Variants in NFIX observed in about 807,000 individuals in gnomAD.
NFIX encodes the protein nuclear factor 1 X-type.
A neutral mutation model predicts 53.3 loss-of-function variants in NFIX; 2 were observed. The observed-to-expected ratio is 0.04, with a 90% confidence interval of 0.02 to 0.12. NFIX has a LOEUF of 0.12. NFIX is among the 10% of genes least tolerant of loss of function. The pLI is 1.00. For missense variants in NFIX, 310 were observed against 674.5 expected, an observed-to-expected ratio of 0.46 and a Z score of 5.99; for synonymous variants, 244 against 289.0, an observed-to-expected ratio of 0.84 and a Z score of 1.58.
chr19:13,018,792 A>T (rs1219744664), intron 1 of NFIX, among the ~76,000 whole-genome samples: 1 of 152,228 alleles, frequency 6.6e-6, no homozygotes. Flanking sequence ...ACGAAGCAGC[A>T]GTAATCTTGG....
intron 2 of NFIX, among the ~76,000 whole-genome samples, chr19:13,061,515 G>GGA (rs2016089336): frequency 6.6e-6 from 1 of 152,212 alleles, no homozygotes; most frequent in African/African-American, 2.4e-5. Context: ...CGCAGCCCTC[G>GGA]GAGGGCAGCT....
At position 13,025,650 on chromosome 19, in the gene NFIX, T is replaced by C. The variant is rs1177515649; in HGVS notation, c.559+98T>C. The C allele has an allele frequency of 2.2e-6, 3 of 1,383,158 alleles. No homozygotes were observed. The Admixed American group carries it at 5.9e-5, about 27-fold the overall frequency. 85.7% of individuals were successfully genotyped at this position (1,383,158 alleles called of 1,614,324 possible). ...CTAATTTCCAAGCGATAACTCGCCA[T>C]GGGCCTAACTGGTGTATGCCCGTCC... is the stretch of plus-strand genomic sequence containing the variant. On this transcript the variant is annotated intron_variant, in intron 2 of 10. Coordinates refer to ENST00000592199, the MANE Select transcript of NFIX (RefSeq NM_001365902.3). The surrounding 1 kb of genome is among the most constrained non-coding windows in gnomAD (Gnocchi z 7.5).
intron 1 of NFIX, among the ~76,000 whole-genome samples, chr19:12,999,629 G>A (rs993628075): frequency 1.3e-5 from 2 of 152,066 alleles, no homozygotes; most frequent in African/African-American, 2.4e-5. Flanking sequence ...GGATACACCC[G>A]CTCTCAGACA....
rs1314842295 is a variant in NFIX, at chr19:13,095,920, G to C, written c.*1271G>C. ...TTAGGGGTGGGGCATTCATTGTTTGGGTCTTTTGCTGTTGGAATGGGAACT... is the reference window on the plus strand; with the variant it reads ...TTAGGGGTGGGGCATTCATTGTTTGCGTCTTTTGCTGTTGGAATGGGAACT... On this transcript the variant is annotated 3_prime_UTR_variant, in exon 11 of 11. Transcript: ENST00000592199. 2 of 151,424 alleles carry C rather than the reference G, an allele frequency of 1.3e-5. No individual in the cohort carries two copies. Among genetic ancestry groups the C allele is most frequent in the East Asian group, 3.9e-4 (2 of 5,134 alleles). 9.4% of individuals were successfully genotyped at this position (151,424 alleles called of 1,614,324 possible).
In NFIX at chr19:13,094,944, G is replaced by A. The variant is rs2018349800; in HGVS notation, c.*295G>A. On this transcript the variant is annotated 3_prime_UTR_variant, in exon 11 of 11. Transcript: ENST00000592199. This position sits in a 1 kb window ranked among gnomAD's most constrained non-coding sequence, Gnocchi z 4.3. ...CTGTCAAGTAGAGGACAGAAAGCAAGAAAGGATGCAGAACTGCCTTCCTCC... is the reference window on the plus strand; with the variant it reads ...CTGTCAAGTAGAGGACAGAAAGCAAAAAAGGATGCAGAACTGCCTTCCTCC... 2 of 405,582 alleles carry A rather than the reference G, an allele frequency of 4.9e-6. No individual in the cohort carries two copies. The highest frequency in any genetic ancestry group is 9.0e-6 in the Non-Finnish European group (2 of 222,656). The allele number at this position is 405,582 out of a possible 1,614,324, so 25.1% of individuals were successfully genotyped here.
intron 1 of NFIX, among the ~76,000 whole-genome samples, chr19:13,018,262 G>A (rs1201947002): frequency 6.8e-6 from 1 of 147,012 alleles, no homozygotes; most frequent in African/African-American, 2.5e-5. Flanking sequence ...TTTGGAGCCA[G>A]AACGAGGCTG....
chr19:12,999,177 ATTT>A (rs370783768), intron 1 of NFIX, among the ~76,000 whole-genome samples: 1 of 140,532 alleles, frequency 7.1e-6, no homozygotes, highest in African/African-American at 2.6e-5. Context: ...TTCTTTTTCT[ATTT>A]TTTTTTTTTT....
In NFIX at chr19:13,045,990, C is replaced by T. The variant is rs1427158723; in HGVS notation, c.559+20438C>T. Among the ~76,000 whole-genome samples, 1 of 152,136 alleles carries T rather than the reference C, an allele frequency of 6.6e-6. No individual in the cohort carries two copies. Among genetic ancestry groups the T allele is most frequent in the Non-Finnish European group, 1.5e-5 (1 of 68,026 alleles). On this transcript the variant is annotated intron_variant, in intron 2 of 10. Coordinates refer to ENST00000592199, the MANE Select transcript of NFIX (RefSeq NM_001365902.3). The surrounding 1 kb of genome is among the most constrained non-coding windows in gnomAD (Gnocchi z 4.4). ...GCTTCCATCTTGCAAGGACACAGGCCCCACCCTGGCTTCTCCCCAACACAC... is the reference window on the plus strand; with the variant it reads ...GCTTCCATCTTGCAAGGACACAGGCTCCACCCTGGCTTCTCCCCAACACAC...
chr19:13,019,808 C>A (rs1171975440), intron 1 of NFIX, among the ~76,000 whole-genome samples: 2 of 150,862 alleles, frequency 1.3e-5, no homozygotes, highest in Non-Finnish European at 2.9e-5. Context: ...AGCAAAATCC[C>A]TTTCCACAAA....
At position 13,001,832 on chromosome 19, in the gene NFIX, G is replaced by T. The variant is rs1057055518; in HGVS notation, c.27+5968G>T. 1.3e-5 allele frequency among the ~76,000 whole-genome samples: 2 copies of T among 152,220 alleles called. No homozygotes were observed. The highest frequency in any genetic ancestry group is 2.9e-5 in the Non-Finnish European group (2 of 68,036). ...GGCGGCCGGGCAAGCGGCTGGGAGC[G>T]GGCTGGCTGCTCAGTCCCTTCCCAT... On this transcript the variant is annotated intron_variant, in intron 1 of 10. Transcript: ENST00000592199. The surrounding 1 kb of genome is among the most constrained non-coding windows in gnomAD (Gnocchi z 6.5).
chr19:13,026,641 C>T (rs1010108800), intron 2 of NFIX, among the ~76,000 whole-genome samples: 5 of 152,154 alleles, frequency 3.3e-5, no homozygotes, highest in African/African-American at 9.7e-5. Context: ...GAAACCTAAA[C>T]GGGCGGCACT....
chr19:13,039,308 G>A (rs956777513), intron 2 of NFIX, among the ~76,000 whole-genome samples: 2 of 151,302 alleles, frequency 1.3e-5, no homozygotes, highest in African/African-American at 4.9e-5. Context: ...TCCCAGCCAC[G>A]TGGGACAGTA....
chr19:13,080,866 G>C (rs990122138), intron 7 of NFIX, among the ~76,000 whole-genome samples: 3 of 152,130 alleles, frequency 2.0e-5, no homozygotes, highest in African/African-American at 2.4e-5. Context: ...CGGGCGTGGT[G>C]GTGGGCGCCT....
intron 2 of NFIX, among the ~76,000 whole-genome samples, chr19:13,031,715 T>C (rs752434025): frequency 3.9e-5 from 6 of 151,906 alleles, no homozygotes; most frequent in African/African-American, 7.3e-5. Context: ...AGGGCCTTAT[T>C]TGGGGGATAG....
intron 1 of NFIX, among the ~76,000 whole-genome samples, chr19:13,019,336 A>T (rs2012835565): frequency 6.6e-6 from 1 of 152,224 alleles, no homozygotes; most frequent in Non-Finnish European, 1.5e-5. Context: ...CAAATAATCC[A>T]TACAGGCTCA....
rs2013543870 is a variant in NFIX at position 13,028,484 on chromosome 19, A to G, written c.559+2932A>G. Among the ~76,000 whole-genome samples the G allele has an allele frequency of 6.6e-6, 1 of 152,212 alleles. No individual in the cohort carries two copies. The highest frequency in any genetic ancestry group is 2.4e-5 in the African/African-American group (1 of 41,452). On this transcript the variant is annotated intron_variant, in intron 2 of 10. Coordinates refer to ENST00000592199, the MANE Select transcript of NFIX (RefSeq NM_001365902.3). This position sits in a 1 kb window ranked among gnomAD's most constrained non-coding sequence, Gnocchi z 4.2. Reference sequence around the variant, plus strand: ...CCTTCCTGAGCCCTTGTTATGTCCCAGATGAAGCTTCAAGAGATGACATGT... The same window carrying G: ...CCTTCCTGAGCCCTTGTTATGTCCCGGATGAAGCTTCAAGAGATGACATGT...
rs191772737 is a variant in NFIX, at chr19:13,073,870, C to A, written c.698-36C>A. 6.7e-4 allele frequency: 1,076 copies of A among 1,613,786 alleles called. 10 individuals carry two copies. In the East Asian group the frequency reaches 0.018, roughly 28 times the overall value. On this transcript the variant is annotated intron_variant, in intron 4 of 10. Coordinates refer to ENST00000592199, the MANE Select transcript of NFIX (RefSeq NM_001365902.3). The surrounding 1 kb of genome is among the most constrained non-coding windows in gnomAD (Gnocchi z 4.5). ...AAACAGACCCCATCAGGCCTCCCCCCACCTCCAAACCTCATCACCCTCTCG... is the reference window on the plus strand; with the variant it reads ...AAACAGACCCCATCAGGCCTCCCCCAACCTCCAAACCTCATCACCCTCTCG...
rs1358740781 is a variant in NFIX at position 13,012,924 on chromosome 19, A to G, written c.28-12097A>G. Among the ~76,000 whole-genome samples the G allele has an allele frequency of 1.3e-5, 2 of 148,736 alleles. No homozygotes were observed. Among genetic ancestry groups the G allele is most frequent in the Non-Finnish European group, 3.0e-5 (2 of 66,436 alleles). Reference sequence around the variant, plus strand: ...AAGGCGGGGAAATTTACCAGGGGAGATTTTTGTTTCCAGGGTTGGCTGGGT... The same window carrying G: ...AAGGCGGGGAAATTTACCAGGGGAGGTTTTTGTTTCCAGGGTTGGCTGGGT... On this transcript the variant is annotated intron_variant, in intron 1 of 10. Transcript: ENST00000592199. The surrounding 1 kb of genome is among the most constrained non-coding windows in gnomAD (Gnocchi z 5.0).
intron 8 of NFIX, among the ~76,000 whole-genome samples, chr19:13,084,467 A>C (rs555719353): frequency 9.0e-4 from 137 of 152,224 alleles, no homozygotes; most frequent in South Asian, 1.7e-3. Flanking sequence ...AAAACAAAAA[A>C]AACCCAGAAT....
Sources: allele counts gnomAD v4.1 joint callset (sites outside exome capture counted in the v4.1 genomes callset), GRCh38; gene constraint gnomAD v4.1.1; non-coding constraint Gnocchi (gnomAD v3.1); transcripts MANE v1.5; gene names NCBI Gene and HGNC (gene_info 2026-07-23, HGNC 2026-07-21).